Variants in TMOD1 observed in about 807,000 individuals in gnomAD.
TMOD1 encodes tropomodulin 1, also known as tropomodulin-1.
Under a neutral mutation model 40.6 loss-of-function variants are expected in TMOD1, and 17 were observed. The ratio of observed to expected loss-of-function variants is 0.42; its 90% CI spans 0.29 to 0.63. The LOEUF is 0.63. TMOD1 is among the 20% of genes least tolerant of loss of function. The pLI is 0.22. For missense variants in TMOD1, 391 were observed against 447.6 expected (o/e 0.87, Z 1.14); for synonymous variants, 181 against 175.0 (o/e 1.03, Z -0.27).
chr9:97,550,766 A>G (rs1830438724), intron 3 of TMOD1, among the ~76,000 whole-genome samples: 1 of 152,010 alleles, frequency 6.6e-6, no homozygotes, highest in South Asian at 2.1e-4. Context: ...TGTATTCTAG[A>G]TACTAGACCT....
chr9:97,581,151 C>T (rs1463477687), intron 8 of TMOD1, among the ~76,000 whole-genome samples: 2 of 121,602 alleles, frequency 1.6e-5, no homozygotes, highest in East Asian at 2.7e-4. Context: ...CCCCTCCCCC[C>T]ACCCCACAAC....
intron 3 of TMOD1, among the ~76,000 whole-genome samples, chr9:97,549,396 C>T (rs1389233953): frequency 6.6e-6 from 1 of 152,186 alleles, no homozygotes; most frequent in Non-Finnish European, 1.5e-5. Context: ...CTTACAGTGG[C>T]TCAGAGTCAC....
intron 1 of TMOD1, among the ~76,000 whole-genome samples, chr9:97,508,098 CA>C (rs1439933902): frequency 1.3e-5 from 2 of 150,816 alleles, no homozygotes; most frequent in African/African-American, 4.9e-5. Context: ...CACACACACA[CA>C]CACACAGACT....
At chr9:97,547,575 G>A (rs912293534) in intron 3 of TMOD1, among the ~76,000 whole-genome samples, 5 of 152,184 alleles carry the variant, frequency 3.3e-5, no homozygotes, top group Non-Finnish European at 2.9e-5. Context: ...TCTGTCAAGC[G>A]CTTAGAACAG....
chr9:97,586,660 CTG>C (rs1436237655), intron 8 of TMOD1, among the ~76,000 whole-genome samples: 11 of 152,348 alleles, frequency 7.2e-5, no homozygotes, highest in African/African-American at 2.2e-4. Flanking sequence ...CAGCGAGACT[CTG>C]TGGGCGTAGG....
chr9:97,559,071 T>C (rs1399335286), intron 4 of TMOD1, among the ~76,000 whole-genome samples: 1 of 152,114 alleles, frequency 6.6e-6, no homozygotes, highest in African/African-American at 2.4e-5. Context: ...CTCTCTCCAC[T>C]CTAAGCCACA....
Position 97,601,245 on chromosome 9 carries a change from G to A in TMOD1, c.*1547G>A, listed in dbSNP as rs1826251699. On this transcript the variant is annotated 3_prime_UTR_variant, in exon 10 of 10. Transcript: ENST00000259365. ...ACTGCAATATAATATTAAATCTGTT[G>A]GTCTATGCATGGCTGCGTATGTGTT... 8.0e-7 allele frequency: 1 copy of A among 1,251,578 alleles called. No homozygotes were observed. The highest frequency in any genetic ancestry group is 1.5e-5 in the African/African-American group (1 of 64,950). 77.5% of individuals were successfully genotyped at this position (1,251,578 alleles called of 1,614,324 possible).
chr9:97,501,637 A>G (rs1295886476), upstream of TMOD1: 1 of 131,344 alleles, frequency 7.6e-6, no homozygotes, highest in South Asian at 2.4e-4. Flanking sequence ...CCCCGAGCCC[A>G]CAGCTCCCGC....
chr9:97,525,044 A>G (rs1829988459), intron 2 of TMOD1, among the ~76,000 whole-genome samples: 1 of 152,148 alleles, frequency 6.6e-6, no homozygotes, highest in Non-Finnish European at 1.5e-5. Flanking sequence ...TCAACTTGGC[A>G]CACATATACA....
chr9:97,601,279 C>T lies in TMOD1; in HGVS notation c.*1581C>T. On this transcript the variant is annotated 3_prime_UTR_variant, in exon 10 of 10. Coordinates refer to ENST00000259365, the MANE Select transcript of TMOD1 (RefSeq NM_003275.4). ...ATGGCTGCGTATGTGTTTCTTGGAA[C>T]CTGTGTGACAGGGACATGTGCCTGG... is the stretch of plus-strand genomic sequence containing the variant. 8.4e-7 allele frequency: 1 copy of T among 1,195,736 alleles called. No individual in the cohort carries two copies. Among genetic ancestry groups the T allele is most frequent in the Non-Finnish European group, 1.1e-6 (1 of 935,192 alleles). 74.1% of individuals were successfully genotyped at this position (1,195,736 alleles called of 1,614,324 possible).
intron 3 of TMOD1, among the ~76,000 whole-genome samples, chr9:97,547,152 CAG>C (rs1830376287): frequency 6.6e-6 from 1 of 152,098 alleles, no homozygotes. Context: ...CCCCAGGAAA[CAG>C]AGAGGGCCTC....
rs373163938 is a variant in TMOD1 at position 97,586,822 on chromosome 9, C to G, written c.871-4469C>G. Among the ~76,000 whole-genome samples, 44 of 152,276 alleles carry G rather than the reference C, an allele frequency of 2.9e-4. No individual in the cohort carries two copies. The South Asian group carries it at 6.6e-3, about 23-fold the overall frequency. On this transcript the variant is annotated intron_variant, in intron 8 of 9. Transcript: ENST00000259365. ...ACTCAGAAAGGGAACTCCCTGACCC[C>G]TTGCGCTTCCCAGGTGAGGCAATGC...
chr9:97,514,240 TG>T (rs542229716), intron 1 of TMOD1, among the ~76,000 whole-genome samples: 14 of 87,866 alleles, frequency 1.6e-4, no homozygotes, highest in Middle Eastern at 7.7e-3. Context: ...GTTTTTTTTT[TG>T]GGGGGGGGGT....
At chr9:97,529,660 G>C (rs1317246972) in intron 2 of TMOD1, among the ~76,000 whole-genome samples, 1 of 152,190 alleles carries the variant, frequency 6.6e-6, no homozygotes, top group Admixed American at 6.5e-5. Flanking sequence ...AGTATCCGCT[G>C]TTGACTGATT....
chr9:97,564,849 G>C (rs1830702314), intron 6 of TMOD1, among the ~76,000 whole-genome samples: 1 of 151,650 alleles, frequency 6.6e-6, no homozygotes, highest in East Asian at 1.9e-4. Flanking sequence ...CAGTGGATTA[G>C]TTCTGGGAGG....
In TMOD1 at chr9:97,589,014, G is replaced by T. The variant is rs1313018447; in HGVS notation, c.871-2277G>T. 1.3e-5 allele frequency among the ~76,000 whole-genome samples: 2 copies of T among 151,076 alleles called. 1 individual carries two copies. The highest frequency in any genetic ancestry group is 6.8e-3 in the Middle Eastern group (2 of 292). On this transcript the variant is annotated intron_variant, in intron 8 of 9. Transcript: ENST00000259365. ...CGCCTGTAATCCCAGCTACTCAGGA[G>T]GCTGAGGCAGGAGAATTGCTTGAAC... is the stretch of plus-strand genomic sequence containing the variant.
At chr9:97,526,867 G>C (rs968623599) in intron 2 of TMOD1, among the ~76,000 whole-genome samples, 2 of 152,116 alleles carry the variant, frequency 1.3e-5, no homozygotes, top group African/African-American at 4.8e-5. Flanking sequence ...TTATAATCTG[G>C]TCTTATACCC....
chr9:97,543,854 C>T (rs1223608348), intron 2 of TMOD1, among the ~76,000 whole-genome samples: 3 of 152,214 alleles, frequency 2.0e-5, no homozygotes, highest in Admixed American at 6.5e-5. Flanking sequence ...AAGCATGGCT[C>T]ACCTGGGAGC....
intron 2 of TMOD1, among the ~76,000 whole-genome samples, chr9:97,531,582 G>T (rs1449806003): frequency 6.6e-6 from 1 of 152,154 alleles, no homozygotes; most frequent in East Asian, 1.9e-4. Flanking sequence ...CTGCACTCCA[G>T]CCTGGGTGAC....
Sources: gnomAD v4.1 joint callset for allele counts (sites outside exome capture counted in the v4.1 genomes callset) on GRCh38, gnomAD v4.1.1 for gene constraint, MANE v1.5 for transcripts, NCBI Gene and HGNC (gene_info 2026-07-23, HGNC 2026-07-21) for gene names.